Variants in ANK3 observed in about 807,000 individuals in gnomAD.
ANK3 encodes ankyrin-3.
ANK3 carries 57 observed loss-of-function variants against 370.9 expected under a neutral mutation model. The ratio of observed to expected loss-of-function variants is 0.15; its 90% CI spans 0.12 to 0.19. The LOEUF (loss-of-function observed/expected upper bound fraction) is 0.19, where lower values mean the gene tolerates loss of function less well. Ranked by LOEUF, ANK3 falls within the 10% of genes least tolerant of loss-of-function variation. ANK3 has a pLI of 1.00. For missense variants in ANK3, 4,439 were observed against 5,302.1 expected (o/e 0.84, Z 5.06); for synonymous variants, 1,929 against 1,946.3 (o/e 0.99, Z 0.23).
In ANK3 at chr10:60,475,826, G is replaced by A. The variant is rs150636487; in HGVS notation, c.96+139360C>T. 5.9e-5 allele frequency among the ~76,000 whole-genome samples: 9 copies of A among 152,188 alleles called. No individual in the cohort carries two copies. In the East Asian group the frequency reaches 1.5e-3, roughly 26 times the overall value. ...TCCACTGGTCTCATGGGACGGAGTC[G>A]CTTTCGAAAAAATCTGGTTCTGAAG... On this transcript the variant is annotated intron_variant, in intron 2 of 43. Coordinates refer to the ANK3 transcript ENST00000373827.
At chr10:60,041,436 G>A (rs371182096) in intron 43 of ANK3, among the ~76,000 whole-genome samples, 28 of 152,318 alleles carry the variant, frequency 1.8e-4, no homozygotes, top group Non-Finnish European at 3.2e-4. Flanking sequence ...CAGCTTGTTC[G>A]GGTTTGTATC....
intron 2 of ANK3, among the ~76,000 whole-genome samples, chr10:60,482,602 T>A (rs2075253212): frequency 6.6e-6 from 1 of 152,130 alleles, no homozygotes; most frequent in Non-Finnish European, 1.5e-5. Flanking sequence ...TCCTCCCACC[T>A]CATTCTCTCT....
At chr10:60,214,518 C>T (rs1352397535) in intron 8 of ANK3, among the ~76,000 whole-genome samples, 1 of 152,104 alleles carries the variant, frequency 6.6e-6, no homozygotes, top group Admixed American at 6.6e-5. Context: ...CCTCACCCCC[C>T]AGCCCCCAAC....
intron 23 of ANK3, chr10:60,140,822 T>C: frequency 2.0e-6 from 2 of 995,860 alleles, no homozygotes; most frequent in Non-Finnish European, 2.4e-6. Flanking sequence ...GCGCGTTGCC[T>C]AGTCGGGTAA....
At chr10:60,445,530 T>C (rs964561415) in intron 2 of ANK3, among the ~76,000 whole-genome samples, 2 of 151,598 alleles carry the variant, frequency 1.3e-5, no homozygotes, top group Non-Finnish European at 2.9e-5. Flanking sequence ...CTTTAGTTTG[T>C]CTGGTATATC....
At chr10:60,641,445 G>C (rs2078631271) in intron 1 of ANK3, among the ~76,000 whole-genome samples, 1 of 151,650 alleles carries the variant, frequency 6.6e-6, no homozygotes, top group African/African-American at 2.4e-5. Context: ...ATAGATCAAT[G>C]GAACAGAACA....
intron 2 of ANK3, among the ~76,000 whole-genome samples, chr10:60,469,081 A>ATG (rs1567066496): frequency 1.2e-5 from 1 of 80,400 alleles, no homozygotes; most frequent in African/African-American, 4.6e-5. Context: ...ATATATATAT[A>ATG]TATATATATA....
intron 1 of ANK3, among the ~76,000 whole-genome samples, chr10:60,381,431 A>G (rs1380256158): frequency 6.6e-6 from 1 of 152,216 alleles, no homozygotes; most frequent in Non-Finnish European, 1.5e-5. Context: ...TATTTCTCAA[A>G]ATGACAGATT....
chr10:60,585,884 C>G (rs530623777), intron 2 of ANK3, among the ~76,000 whole-genome samples: 2 of 151,948 alleles, frequency 1.3e-5, no homozygotes, highest in Non-Finnish European at 2.9e-5. Context: ...ATTAGCTCGA[C>G]GTGGTGGCGG....
intron 2 of ANK3, among the ~76,000 whole-genome samples, chr10:60,605,770 T>C (rs2078121167): frequency 6.6e-6 from 1 of 152,186 alleles, no homozygotes. Context: ...TAAGCTGAGA[T>C]TCAGTTTGTT....
chr10:60,198,207 C>T (rs1591608759), intron 14 of ANK3, 133 bp downstream of exon 14: 1 of 861,492 alleles, frequency 1.2e-6, no homozygotes, highest in Non-Finnish European at 1.8e-6. Flanking sequence ...GCTTTGCTGG[C>T]CATATTAATG....
intron 2 of ANK3, among the ~76,000 whole-genome samples, chr10:60,403,188 C>G (rs1471140233): frequency 6.6e-6 from 1 of 152,110 alleles, no homozygotes; most frequent in Non-Finnish European, 1.5e-5. Flanking sequence ...ATTGAAATTA[C>G]TACAAAAACA....
At chr10:60,535,782 G>A (rs531399758) in intron 2 of ANK3, among the ~76,000 whole-genome samples, 2 of 151,918 alleles carry the variant, frequency 1.3e-5, no homozygotes, top group South Asian at 4.2e-4. Flanking sequence ...TACATAAAGA[G>A]ATAAAAAGTA....
At chr10:60,221,663 G>A (rs1167144108) in intron 8 of ANK3, among the ~76,000 whole-genome samples, 1 of 152,190 alleles carries the variant, frequency 6.6e-6, no homozygotes, top group Non-Finnish European at 1.5e-5. Context: ...GTTCAAAGAA[G>A]TGAAATTACT....
At position 60,072,954 on chromosome 10, in the gene ANK3, T is replaced by C; in HGVS notation, c.7927A>G (p.Asn2643Asp). ...TGTCTTGCCTTAACCCACTCATCAT[T>C]GGATGCCAGCAGTTCTGTCAGTAGC... ...KVLLTELLAS[N>D]DEWVKARQHG... Residue 2643 changes from asparagine to aspartate, a missense_variant, in exon 37 of 44, where the codon AAT becomes GAT. Physicochemically the swap from Asn to Asp is conservative, Grantham distance 23. This residue lies in a region of ANK3 where 1,601 missense variants were observed against 1,731.7 expected (regional missense o/e 0.92). Coordinates refer to ENST00000280772, the MANE Select transcript of ANK3 (RefSeq NM_020987.5). The C allele has an allele frequency of 6.2e-7, 1 of 1,614,118 alleles. No homozygotes were observed. Among genetic ancestry groups the C allele is most frequent in the Non-Finnish European group, 8.5e-7 (1 of 1,180,008 alleles).
intron 8 of ANK3, among the ~76,000 whole-genome samples, chr10:60,227,009 T>C (rs2097174394): frequency 6.6e-6 from 1 of 151,776 alleles, no homozygotes; most frequent in South Asian, 2.1e-4. Flanking sequence ...CTTTCCTTTA[T>C]GTAGATCCAG....
intron 42 of ANK3, among the ~76,000 whole-genome samples, chr10:60,046,139 G>A (rs1000952216): frequency 1.3e-5 from 2 of 152,200 alleles, no homozygotes; most frequent in African/African-American, 2.4e-5. Context: ...CTGGAAAAAT[G>A]TAGAGGTCTT....
chr10:60,038,607 A>G lies in ANK3; in HGVS notation c.*19+4065T>C, dbSNP rs187365761. Among the ~76,000 whole-genome samples, 66 of 152,306 alleles carry G rather than the reference A, an allele frequency of 4.3e-4. 4 individuals are homozygous for G. Among genetic ancestry groups the G allele is most frequent in the African/African-American group, 1.5e-3 (62 of 41,552 alleles). ...ACTATGTATCTGACAAAAGTCTAAC[A>G]TCGAGCATCTATAAGGAATTTAAAT... On this transcript the variant is annotated intron_variant, in intron 43 of 43. Transcript: ENST00000280772.
chr10:60,657,095 A>C (rs2078874982), intron 1 of ANK3, among the ~76,000 whole-genome samples: 1 of 152,216 alleles, frequency 6.6e-6, no homozygotes, highest in South Asian at 2.1e-4. Flanking sequence ...AGCAAGGAGG[A>C]GCAAGTCACA....
Sources: allele counts gnomAD v4.1 joint callset (sites outside exome capture counted in the v4.1 genomes callset), GRCh38; gene constraint gnomAD v4.1.1; regional missense constraint gnomAD v4.1.1; transcripts MANE v1.5; gene names NCBI Gene and HGNC (gene_info 2026-07-23, HGNC 2026-07-21).